RYR3: variants seen among roughly 807,000 people sequenced by gnomAD.
RYR3 encodes ryanodine receptor 3.
A neutral mutation model predicts 584.3 loss-of-function variants in RYR3; 207 were observed. The observed-to-expected ratio is 0.35, with a 90% CI of 0.32 to 0.40. The LOEUF (loss-of-function observed/expected upper bound fraction) is 0.40. RYR3 is among the 10% of genes least tolerant of loss of function. RYR3 has a pLI of 1.00. For synonymous variants in RYR3, 2,416 were observed against 2,248.5 expected, an observed-to-expected ratio of 1.07 and a Z score of -2.11; for missense variants, 5,616 against 6,089.2, an observed-to-expected ratio of 0.92 and a Z score of 2.59.
At chr15:33,722,497 G>T (rs1375276889) in intron 43 of RYR3, 1 of 556,732 alleles carries the variant, frequency 1.8e-6, no homozygotes, top group Non-Finnish European at 3.1e-6. Flanking sequence ...GATGAGGCTG[G>T]TTCAAGTGCA....
intron 40 of RYR3, among the ~76,000 whole-genome samples, chr15:33,699,322 T>C (rs529213889): frequency 1.5e-5 from 2 of 136,036 alleles, no homozygotes; most frequent in South Asian, 2.5e-4. Flanking sequence ...CCTCACTTTC[T>C]CTCCTCACTT....
At chr15:33,804,298 T>C (rs2076069003) in intron 69 of RYR3, among the ~76,000 whole-genome samples, 1 of 152,234 alleles carries the variant, frequency 6.6e-6, no homozygotes, top group Non-Finnish European at 1.5e-5. Flanking sequence ...TCCCTAGATG[T>C]TGAATAATAG....
chr15:33,689,473 T>G (rs1440547285), intron 38 of RYR3, among the ~76,000 whole-genome samples: 1 of 152,168 alleles, frequency 6.6e-6, no homozygotes, highest in Non-Finnish European at 1.5e-5. Flanking sequence ...ATACAGGTAC[T>G]TTATGTATGA....
intron 27 of RYR3, among the ~76,000 whole-genome samples, chr15:33,640,041 C>T (rs571165534): frequency 1.4e-5 from 2 of 144,542 alleles, no homozygotes; most frequent in South Asian, 2.4e-4. Context: ...CTGCCAGGCA[C>T]TCCCCTGAGG....
chr15:33,741,761 C>T (rs935135173), intron 51 of RYR3, among the ~76,000 whole-genome samples: 9 of 152,092 alleles, frequency 5.9e-5, no homozygotes, highest in Non-Finnish European at 2.9e-5. Flanking sequence ...CCACAGGCAC[C>T]AGCCACTACG....
At chr15:33,740,928 G>T (rs1229135980) in intron 51 of RYR3, among the ~76,000 whole-genome samples, 1 of 152,254 alleles carries the variant, frequency 6.6e-6, no homozygotes, top group African/African-American at 2.4e-5. Flanking sequence ...CTGCTGTTAA[G>T]TAAGAGGTAA....
At position 33,550,156 on chromosome 15, in the gene RYR3, C is replaced by G; in HGVS notation, c.816-4C>G. 6.2e-7 allele frequency: 1 copy of G among 1,609,654 alleles called. No individual in the cohort carries two copies. Among genetic ancestry groups the G allele is most frequent in the Non-Finnish European group, 8.5e-7 (1 of 1,178,608 alleles). On this transcript the variant is annotated splice_region_variant and splice_polypyrimidine_tract_variant and intron_variant, in intron 9 of 103. Transcript: ENST00000634891. Reference sequence around the variant, plus strand: ...GCAATTTCTTGTCTGTTTCATCTGCCCAGCTGGAGTGGCAGTAACATCAGA... The same window carrying G: ...GCAATTTCTTGTCTGTTTCATCTGCGCAGCTGGAGTGGCAGTAACATCAGA...
intron 18 of RYR3, among the ~76,000 whole-genome samples, chr15:33,606,423 A>G (rs534877222): frequency 4.5e-4 from 69 of 152,342 alleles, no homozygotes; most frequent in South Asian, 1.2e-3. Context: ...ATCTAAGGGA[A>G]TAAAGAACCC....
At chr15:33,794,634 A>G (rs2075481016) in intron 67 of RYR3, among the ~76,000 whole-genome samples, 1 of 152,100 alleles carries the variant, frequency 6.6e-6, no homozygotes, top group South Asian at 2.1e-4. Context: ...AGTTGCTAAA[A>G]ATGGCAATGT....
At chr15:33,621,746 C>T (rs2152591912) in intron 19 of RYR3, among the ~76,000 whole-genome samples, 1 of 152,136 alleles carries the variant, frequency 6.6e-6, no homozygotes, top group East Asian at 1.9e-4. Flanking sequence ...AAAGTGTCTG[C>T]TCTTATTGGG....
chr15:33,669,844 G>A (rs2063714595), intron 37 of RYR3, among the ~76,000 whole-genome samples: 1 of 40,854 alleles, frequency 2.4e-5, no homozygotes, highest in Non-Finnish European at 4.3e-5. Context: ...GTGTGTGTGT[G>A]GGGGGGGGGG....
chr15:33,534,560 T>C (rs1419395790), intron 5 of RYR3, among the ~76,000 whole-genome samples: 1 of 152,082 alleles, frequency 6.6e-6, no homozygotes, highest in African/African-American at 2.4e-5. Context: ...AGTTAAAAGG[T>C]GGGTGCTGAA....
intron 2 of RYR3, among the ~76,000 whole-genome samples, chr15:33,502,550 G>A (rs1400756413): frequency 6.6e-6 from 1 of 152,178 alleles, no homozygotes; most frequent in Non-Finnish European, 1.5e-5. Context: ...CAAGGAAAAT[G>A]GTGTGTCATT....
chr15:33,794,850 C>G (rs953843037), intron 67 of RYR3, among the ~76,000 whole-genome samples: 4 of 152,130 alleles, frequency 2.6e-5, no homozygotes, highest in Admixed American at 2.6e-4. Flanking sequence ...TTAGAGGTCA[C>G]CTCATCTTAC....
Position 33,838,507 on chromosome 15 carries a change from C to G in RYR3, c.12527C>G (p.Thr4176Ser), listed in dbSNP as rs1283442710. The G allele has an allele frequency of 1.9e-6, 3 of 1,613,836 alleles. No individual in the cohort carries two copies. The highest frequency in any genetic ancestry group is 2.5e-6 in the Non-Finnish European group (3 of 1,179,882). The stretch of plus-strand genomic sequence containing the variant: ...CAGTACAGGAACGTGAAAAAGATGA[C>G]TGCGAAGGAGCTGGTGAAGGTGCTC... Reference protein sequence around the residue: ...RKQYRNVKKMTAKELVKVLFS... With the variant: ...RKQYRNVKKMSAKELVKVLFS... The change falls in exon 89 of 104, where the codon ACT (threonine) becomes AGT (serine). Residue 4176 changes from threonine (T) to serine (S), a missense_variant. Thr to Ser is a moderately conservative substitution (Grantham distance 58, BLOSUM62 1). Around this residue, in one of 9 missense-constraint regions of RYR3, gnomAD observed 918 missense variants for 887.4 expected, o/e 1.03. Coordinates refer to ENST00000634891, the MANE Select transcript of RYR3 (RefSeq NM_001036.6).
At chr15:33,333,269 T>A (rs924839196) in intron 1 of RYR3, among the ~76,000 whole-genome samples, 1 of 152,004 alleles carries the variant, frequency 6.6e-6, no homozygotes, top group East Asian at 1.9e-4. Flanking sequence ...AAAGGAAAAT[T>A]TCAGGCCAAT....
At chr15:33,319,396 C>G (rs1366889137) in intron 1 of RYR3, among the ~76,000 whole-genome samples, 3 of 152,310 alleles carry the variant, frequency 2.0e-5, no homozygotes, top group Non-Finnish European at 4.4e-5. Context: ...TAAGTCCCTT[C>G]TCAGTCACCC....
intron 20 of RYR3, among the ~76,000 whole-genome samples, chr15:33,626,658 G>A (rs2061005826): frequency 6.6e-6 from 1 of 152,142 alleles, no homozygotes; most frequent in African/African-American, 2.4e-5. Flanking sequence ...GCTGGGCCCA[G>A]GGCCCCCTTG....
chr15:33,465,258 C>T (rs200629041), intron 1 of RYR3, among the ~76,000 whole-genome samples: 1 of 149,062 alleles, frequency 6.7e-6, no homozygotes, highest in Non-Finnish European at 1.5e-5. Context: ...TATATATATA[C>T]ACATATCTGT....
Sources: allele counts gnomAD v4.1 joint callset (sites outside exome capture counted in the v4.1 genomes callset), GRCh38; gene constraint gnomAD v4.1.1; regional missense constraint gnomAD v4.1.1; transcripts MANE v1.5; gene names NCBI Gene and HGNC (gene_info 2026-07-23, HGNC 2026-07-21).